DCAF6: variants seen among roughly 807,000 people sequenced by gnomAD.
The protein encoded by DCAF6 is DDB1 and CUL4 associated factor 6.
Under a neutral mutation model 125.1 loss-of-function variants are expected in DCAF6, and 54 were observed. The observed-to-expected ratio is 0.43, with a 90% CI of 0.35 to 0.54. DCAF6 has a LOEUF of 0.54. Ranked by LOEUF, DCAF6 falls within the 20% of genes least tolerant of loss-of-function variation. DCAF6 has a pLI of 0.01. For synonymous variants in DCAF6, 371 were observed against 390.4 expected (o/e 0.95, Z 0.58); for missense variants, 934 against 1,161.7 (o/e 0.80, Z 2.85).
intron 16 of DCAF6, among the ~76,000 whole-genome samples, chr1:168,047,279 C>T (rs1272796714): frequency 6.6e-6 from 1 of 151,958 alleles, no homozygotes; most frequent in Non-Finnish European, 1.5e-5. Flanking sequence ...TCCCAATAGC[C>T]TCATTGACCC....
chr1:168,063,013 G>T (rs952754587), intron 17 of DCAF6, among the ~76,000 whole-genome samples: 3 of 151,242 alleles, frequency 2.0e-5, no homozygotes, highest in Non-Finnish European at 4.4e-5. Context: ...CCGGGTTCAT[G>T]CCATTCTCCT....
the DCAF6 span, among the ~76,000 whole-genome samples, chr1:167,889,043 C>T: frequency 6.6e-6 from 1 of 152,090 alleles, no homozygotes; most frequent in Non-Finnish European, 1.5e-5. Flanking sequence ...GATAATTTGA[C>T]TTCTTCCTTT....
At chr1:167,903,117 A>C in the DCAF6 span, among the ~76,000 whole-genome samples, 1 of 150,810 alleles carries the variant, frequency 6.6e-6, no homozygotes. Context: ...ATTGCTGGGC[A>C]TGGTGGCGCA....
chr1:167,976,886 G>GTTT lies in DCAF6; in HGVS notation c.438+1903_438+1905dup, dbSNP rs397981860. 5.0e-3 allele frequency among the ~76,000 whole-genome samples: 190 copies of GTTT among 38,068 alleles called. 30 individuals are homozygous for GTTT. The highest frequency in any genetic ancestry group is 7.0e-3 in the Non-Finnish European group (136 of 19,430). The allele number at this position is 38,068 out of a possible 152,430, so 25.0% of individuals were successfully genotyped here. A position where few individuals can be genotyped will look rare whatever the true frequency, so the allele number is the denominator to read the frequency against. On this transcript the variant is annotated intron_variant, in intron 4 of 21. Transcript: ENST00000367840. ...TGTACTGAAGGTACATCCTTTAGCA[G>GTTT]TTTTTTTTTTTTTTTTTTTTTTTTT...
chr1:167,919,899 C>T, the DCAF6 span: 3 of 900,106 alleles, frequency 3.3e-6, no homozygotes, highest in Non-Finnish European at 5.2e-6. Context: ...CAGAGCGAGA[C>T]CCCGTCTCAA....
At chr1:167,946,071 C>G (rs922034972) in intron 1 of DCAF6, among the ~76,000 whole-genome samples, 1 of 151,256 alleles carries the variant, frequency 6.6e-6, no homozygotes, top group Non-Finnish European at 1.5e-5. Flanking sequence ...ATTCTCCTGC[C>G]TCAGCCTCCC....
chr1:167,913,865 T>G, the DCAF6 span: 3 of 152,244 alleles, frequency 2.0e-5, no homozygotes, highest in African/African-American at 7.2e-5. Flanking sequence ...AACCCTGACT[T>G]CTAGCCCCAG....
chr1:168,017,409 G>A (rs1685125522), intron 11 of DCAF6, among the ~76,000 whole-genome samples: 1 of 151,958 alleles, frequency 6.6e-6, no homozygotes. Context: ...AAACAAAACT[G>A]TCTAACAGGA....
chr1:167,899,313 A>G, the DCAF6 span: 1 of 1,110,286 alleles, frequency 9.0e-7, no homozygotes. Flanking sequence ...ACCCCATCCC[A>G]ATCTCCAGCC....
chr1:167,918,785 G>A, the DCAF6 span, among the ~76,000 whole-genome samples: 1 of 151,814 alleles, frequency 6.6e-6, no homozygotes, highest in Non-Finnish European at 1.5e-5. Flanking sequence ...AGTAGAGATG[G>A]TGTTTCACCG....
chr1:167,905,272 G>T, the DCAF6 span: 1 of 1,179,600 alleles, frequency 8.5e-7, no homozygotes. Context: ...TTCTCCATTT[G>T]TTTTGTTCTA....
At chr1:168,030,239 C>T (rs1256995374) in intron 12 of DCAF6, among the ~76,000 whole-genome samples, 3 of 152,028 alleles carry the variant, frequency 2.0e-5, no homozygotes, top group Non-Finnish European at 4.4e-5. Context: ...AATAAGGCAT[C>T]CCTGAGGAAG....
intron 21 of DCAF6, among the ~76,000 whole-genome samples, chr1:168,072,732 C>A (rs566895914): frequency 1.3e-5 from 2 of 152,176 alleles, no homozygotes; most frequent in East Asian, 1.9e-4. Context: ...TAAATAAATT[C>A]TTTGTAAAGG....
intron 14 of DCAF6, 40 bp from the exon 15 acceptor site, chr1:168,044,535 CTAATCCCTCA>C: frequency 7.4e-7 from 1 of 1,356,514 alleles, no homozygotes. Context: ...GATTTTAGAA[CTAATCCCTCA>C]TGGATACCAA....
chr1:167,883,427 T>TCA, the DCAF6 span: 1 of 1,614,130 alleles, frequency 6.2e-7, no homozygotes. Context: ...ATCCCATAGT[T>TCA]CACACTTACC....
the DCAF6 span, chr1:167,924,373 G>A: frequency 1.4e-6 from 1 of 702,988 alleles, no homozygotes; most frequent in South Asian, 2.3e-5. Flanking sequence ...TATTTGCCAT[G>A]AAATCATCTA....
intron 10 of DCAF6, among the ~76,000 whole-genome samples, chr1:168,008,534 A>G (rs74653733): frequency 6.6e-6 from 1 of 152,048 alleles, no homozygotes; most frequent in East Asian, 1.9e-4. Flanking sequence ...CTGTTGTTCC[A>G]TTATAATGTA....
At chr1:168,067,284 G>A (rs1351157486) in intron 20 of DCAF6, among the ~76,000 whole-genome samples, 1 of 152,158 alleles carries the variant, frequency 6.6e-6, no homozygotes, top group African/African-American at 2.4e-5. Flanking sequence ...AATGCTGGGT[G>A]TAAAAAAGAT....
chr1:168,068,727 T>A (rs1558056140), intron 21 of DCAF6, among the ~76,000 whole-genome samples: 1 of 152,132 alleles, frequency 6.6e-6, no homozygotes, highest in African/African-American at 2.4e-5. Context: ...TTAGAGTACA[T>A]AACCTTAGGA....
Sources: gnomAD v4.1 joint callset for allele counts (sites outside exome capture counted in the v4.1 genomes callset) on GRCh38, gnomAD v4.1.1 for gene constraint, MANE v1.5 for transcripts, NCBI Gene and HGNC (gene_info 2026-07-23, HGNC 2026-07-21) for gene names.